The following LSM7 variants were observed in gnomAD, a reference collection of about 807,000 sequenced individuals.
LSM7 encodes the protein U6 snRNA-associated Sm-like protein LSm7.
LSM7 carries 13 observed loss-of-function variants against 14.1 expected under a neutral mutation model. The observed-to-expected ratio is 0.92, with a 90% confidence interval of 0.60 to 1.47. The LOEUF (loss-of-function observed/expected upper bound fraction) is 1.47. Among genes scored for constraint, LSM7 ranks in the 40% most tolerant of loss-of-function variants. The pLI is 0.00. For synonymous variants in LSM7, 70 were observed against 57.1 expected (o/e 1.23, Z -1.02); for missense variants, 108 against 140.8 (o/e 0.77, Z 1.18).
chr19:2,327,097 GT>G (rs1968039813), intron 2 of LSM7, among the ~76,000 whole-genome samples: 1 of 152,210 alleles, frequency 6.6e-6, no homozygotes, highest in Non-Finnish European at 1.5e-5. Flanking sequence ...CACAGATCCT[GT>G]GAGATAATAA....
chr19:2,326,312 TTGTGTGTG>T (rs145468909), intron 2 of LSM7, among the ~76,000 whole-genome samples: 51 of 129,780 alleles, frequency 3.9e-4, no homozygotes, highest in South Asian at 2.0e-3. Flanking sequence ...TTTCTGCTTT[TTGTGTGTG>T]TGTGTGTGTG....
chr19:2,328,333 T>C, intron 2 of LSM7, 54 bp downstream of exon 2: 1 of 1,468,746 alleles, frequency 6.8e-7, no homozygotes, highest in Non-Finnish European at 9.5e-7. Context: ...TCTCTGTTGC[T>C]GGGTTTATTT....
chr19:2,323,352 C>T (rs945865547), intron 3 of LSM7, among the ~76,000 whole-genome samples: 5 of 152,222 alleles, frequency 3.3e-5, no homozygotes, highest in Non-Finnish European at 5.9e-5. Flanking sequence ...CTGGGCGCCA[C>T]AGCTCACGCC....
rs556731925 is a variant in LSM7, at chr19:2,324,411, C to A, written c.98-215G>T. 4.8e-4 allele frequency: 271 copies of A among 561,006 alleles called. 1 individual carries two copies. The highest frequency in any genetic ancestry group is 4.1e-3 in the African/African-American group (217 of 53,328). The allele number at this position is 561,006 out of a possible 1,614,324, so 34.8% of individuals were successfully genotyped here. ...CGTCTGCGGGGGGCCAGATGGCAAACACTTCTGGCCGTGTGGGCCACAGGG... is the reference window on the plus strand; with the variant it reads ...CGTCTGCGGGGGGCCAGATGGCAAAAACTTCTGGCCGTGTGGGCCACAGGG... On this transcript the variant is annotated intron_variant, in intron 2 of 3. Coordinates refer to ENST00000252622, the MANE Select transcript of LSM7 (RefSeq NM_016199.3).
chr19:2,328,496 G>C lies in LSM7; in HGVS notation c.7-19C>G. The C allele has an allele frequency of 2.5e-6, 4 of 1,612,956 alleles. No homozygotes were observed. The highest frequency in any genetic ancestry group is 1.7e-6 in the Non-Finnish European group (2 of 1,179,604). On this transcript the variant is annotated intron_variant, in intron 1 of 3. Coordinates refer to ENST00000252622, the MANE Select transcript of LSM7 (RefSeq NM_016199.3). ...CCTTATCCTGCGGGGAAAGCAGAGCGCATGAGACCTGGAGCGCGGCCCGAG... is the reference window on the plus strand; with the variant it reads ...CCTTATCCTGCGGGGAAAGCAGAGCCCATGAGACCTGGAGCGCGGCCCGAG...
chr19:2,323,001 A>C (rs1568420503), intron 3 of LSM7, among the ~76,000 whole-genome samples: 1 of 151,788 alleles, frequency 6.6e-6, no homozygotes, highest in Non-Finnish European at 1.5e-5. Flanking sequence ...TACAGGCATG[A>C]GCCACCATGG....
chr19:2,324,761 TGA>T lies in LSM7; in HGVS notation c.98-567_98-566del, dbSNP rs142461176. The T allele has an allele frequency of 1.7e-3, 258 of 155,296 alleles. 2 individuals are homozygous for T. In the East Asian group the frequency reaches 0.046, roughly 28 times the overall value. The allele number at this position is 155,296 out of a possible 1,614,324, so 9.6% of individuals were successfully genotyped here. A position where few individuals can be genotyped will look rare whatever the true frequency, so the allele number is the denominator to read the frequency against. On this transcript the variant is annotated intron_variant, in intron 2 of 3. Transcript: ENST00000252622. Reference sequence around the variant, plus strand: ...ACGCACCTGAGGACGTCACGCTCAGTGAGAGACGCCAGACACAGAAGGCTGCG... The same window carrying T: ...ACGCACCTGAGGACGTCACGCTCAGTGAGACGCCAGACACAGAAGGCTGCG...
rs755847485 is a variant in LSM7 at position 2,321,723 on chromosome 19, A to G, written c.269T>C (p.Met90Thr). 10 of 1,569,084 alleles carry G rather than the reference A, an allele frequency of 6.4e-6. No homozygotes were observed. The highest frequency in any genetic ancestry group is 8.6e-6 in the Non-Finnish European group (10 of 1,159,078). Residue 90 changes from methionine to threonine, a missense_variant, in exon 4 of 4, where the codon ATG becomes ACG. Coordinates refer to ENST00000252622, the MANE Select transcript of LSM7 (RefSeq NM_016199.3). This position sits in a 1 kb window ranked among gnomAD's most constrained non-coding sequence, Gnocchi z 5.0. ...SVVLICPQDGMEAIPNPFIQQ... is the reference protein window; with the variant it reads ...SVVLICPQDGTEAIPNPFIQQ... ...GATGAAGGGGTTGGGGATGGCCTCC[A>G]TGCCGTCCTGCGGGCAGATTAGCAC...
At chr19:2,328,523 T>C in intron 1 of LSM7, 38 bp downstream of exon 1, 2 of 1,608,802 alleles carry the variant, frequency 1.2e-6, no homozygotes, top group Admixed American at 1.7e-5. Context: ...CGGCCCGAGC[T>C]CCACGCCCCC....
intron 2 of LSM7, chr19:2,325,936 CCT>C (rs1238717802): frequency 1.3e-5 from 2 of 152,528 alleles, no homozygotes; most frequent in East Asian, 1.9e-4. Flanking sequence ...TCCACGGCTC[CCT>C]CTCTCTTTGC....
At chr19:2,327,802 A>G (rs1253713558) in intron 2 of LSM7, among the ~76,000 whole-genome samples, 2 of 152,134 alleles carry the variant, frequency 1.3e-5, no homozygotes, top group Non-Finnish European at 2.9e-5. Context: ...GAAACCAAAG[A>G]TCCAAGAGGC....
Position 2,321,584 on chromosome 19 carries a change from G to A in LSM7, c.*96C>T, listed in dbSNP as rs1056435754. 6.4e-5 allele frequency: 79 copies of A among 1,233,780 alleles called. No homozygotes were observed. The highest frequency in any genetic ancestry group is 4.7e-4 in the South Asian group (20 of 42,410). The allele number at this position is 1,233,780 out of a possible 1,614,324, so 76.4% of individuals were successfully genotyped here. ...CCTATACAAAAAGGAAAATGCTTCCGTTCCAGGAGGCGGTACTGCGGTGGG... is the reference window on the plus strand; with the variant it reads ...CCTATACAAAAAGGAAAATGCTTCCATTCCAGGAGGCGGTACTGCGGTGGG... On this transcript the variant is annotated 3_prime_UTR_variant, in exon 4 of 4. Coordinates refer to ENST00000252622, the MANE Select transcript of LSM7 (RefSeq NM_016199.3). The surrounding 1 kb of genome is among the most constrained non-coding windows in gnomAD (Gnocchi z 5.0).
Position 2,328,466 on chromosome 19 carries a change from C to T in LSM7, c.18G>A (p.Lys6=), listed in dbSNP as rs1296594424. 4 of 1,613,794 alleles carry T rather than the reference C, an allele frequency of 2.5e-6. No homozygotes were observed. The highest frequency in any genetic ancestry group is 1.7e-5 in the Admixed American group (1 of 60,002). MADKE[K]KKKESILDLS... is the part of the protein sequence containing the mutation. ...AGTCCAAGATGCTCTCCTTTTTCTT[C>T]TTCTCCTTATCCTGCGGGGAAAGCA... is the stretch of plus-strand genomic sequence containing the variant. The change falls in exon 2 of 4, where the codon AAG becomes AAA. Residue 6 remains lysine (K), a synonymous_variant. Coordinates refer to ENST00000252622, the MANE Select transcript of LSM7 (RefSeq NM_016199.3).
chr19:2,323,419 C>A (rs935925097), intron 3 of LSM7, among the ~76,000 whole-genome samples: 1 of 152,162 alleles, frequency 6.6e-6, no homozygotes. Flanking sequence ...CCCAGGAGTT[C>A]GAGACCAGCC....
intron 3 of LSM7, among the ~76,000 whole-genome samples, chr19:2,323,214 G>A (rs1389225152): frequency 1.3e-5 from 2 of 152,182 alleles, no homozygotes; most frequent in African/African-American, 4.8e-5. Flanking sequence ...AGGGAAATGA[G>A]GGAGGGTCCT....
chr19:2,328,263 G>A, intron 2 of LSM7, 124 bp downstream of exon 2: 6 of 831,218 alleles, frequency 7.2e-6, no homozygotes, highest in Non-Finnish European at 1.1e-5. Flanking sequence ...GAGCGAGACT[G>A]CGTCTCAAAA....
chr19:2,326,472 A>C (rs1599180516), intron 2 of LSM7, among the ~76,000 whole-genome samples: 1 of 152,174 alleles, frequency 6.6e-6, no homozygotes, highest in Admixed American at 6.5e-5. Flanking sequence ...AGTAGCTGGG[A>C]CTACAGGCAT....
In LSM7 at chr19:2,326,338, G is replaced by GTGTGTGTC. The variant is rs1192981167; in HGVS notation, c.97+2048_97+2049insGACACACA. 3.3e-5 allele frequency among the ~76,000 whole-genome samples: 4 copies of GTGTGTGTC among 120,284 alleles called. No homozygotes were observed. The East Asian group carries it at 1.1e-3, about 32-fold the overall frequency. The allele number at this position is 120,284 out of a possible 152,430, so 78.9% of individuals were successfully genotyped here. A position where few individuals can be genotyped will look rare whatever the true frequency, so the allele number is the denominator to read the frequency against. On this transcript the variant is annotated intron_variant, in intron 2 of 3. Coordinates refer to ENST00000252622, the MANE Select transcript of LSM7 (RefSeq NM_016199.3). ...TGTGTGTGTGTGTGTGTGTGTGTGT[G>GTGTGTGTC]TGTGTGTGTGTGTGTGTGTTTGAGA...
chr19:2,322,748 C>G (rs538925165), intron 3 of LSM7, among the ~76,000 whole-genome samples: 24 of 152,298 alleles, frequency 1.6e-4, no homozygotes, highest in Non-Finnish European at 2.8e-4. Flanking sequence ...AGGTCTTGCT[C>G]TGTTGCTCAG....
Sources: allele counts gnomAD v4.1 joint callset (sites outside exome capture counted in the v4.1 genomes callset), GRCh38; gene constraint gnomAD v4.1.1; non-coding constraint Gnocchi (gnomAD v3.1); transcripts MANE v1.5; gene names NCBI Gene and HGNC (gene_info 2026-07-23, HGNC 2026-07-21).